FRMPD1: variants seen among roughly 807,000 people sequenced by gnomAD.
FRMPD1 encodes FERM and PDZ domain containing 1, also known as FERM and PDZ domain-containing protein 1.
In FRMPD1, 76 loss-of-function variants were observed where a neutral mutation model predicts 117.8. That is an observed-to-expected ratio of 0.65 (90% confidence interval 0.54 to 0.78). The LOEUF is 0.78. FRMPD1 is among the 30% of genes least tolerant of loss of function. The probability of loss-of-function intolerance (pLI) is 0.00; values close to 1 mark genes in which losing one functional copy is unlikely to be tolerated. For missense variants in FRMPD1, 1,786 were observed against 1,964.5 expected, an observed-to-expected ratio of 0.91 and a Z score of 1.72; for synonymous variants, 783 against 770.4, an observed-to-expected ratio of 1.02 and a Z score of -0.27.
the FRMPD1 span, among the ~76,000 whole-genome samples, chr9:37,614,345 G>A: frequency 1.3e-5 from 2 of 152,214 alleles, no homozygotes; most frequent in Admixed American, 6.5e-5. Flanking sequence ...ATAACATGGG[G>A]AAGGCAGGCT....
chr9:37,693,773 A>G (rs1822229267), intron 2 of FRMPD1, among the ~76,000 whole-genome samples: 1 of 151,954 alleles, frequency 6.6e-6, no homozygotes, highest in African/African-American at 2.4e-5. Context: ...TACTACAAGC[A>G]CCCTCTCTTC....
Position 37,745,736 on chromosome 9 carries a change from C to G in FRMPD1, c.3704C>G (p.Thr1235Arg). ...AAGGCAGAGGCACCTAACCATGTGA[C>G]AGGGCAAGATATAGCCCCTAGGGAC... ...GIKAEAPNHV[T>R]GQDIAPRDSP... The change falls in exon 16 of 16, where the codon ACA (threonine) becomes AGA (arginine). Residue 1235 changes from threonine to arginine, a missense_variant. By Grantham distance (71) the Thr-to-Arg change is moderately conservative. Coordinates refer to ENST00000377765, the MANE Select transcript of FRMPD1 (RefSeq NM_014907.3). 2 of 1,614,162 alleles carry G rather than the reference C, an allele frequency of 1.2e-6. No individual in the cohort carries two copies. Among genetic ancestry groups the G allele is most frequent in the South Asian group, 1.1e-5 (1 of 91,084 alleles).
At chr9:37,633,031 A>ATTT in the FRMPD1 span, among the ~76,000 whole-genome samples, 8 of 145,750 alleles carry the variant, frequency 5.5e-5, no homozygotes, top group East Asian at 2.0e-4. Context: ...ATATATATAT[A>ATTT]TTTTTCTTTT....
At chr9:37,637,324 C>G in the FRMPD1 span, 2 of 1,080,082 alleles carry the variant, frequency 1.9e-6, no homozygotes, top group African/African-American at 1.5e-5. Context: ...CAGTCGCTCC[C>G]AGTCGGCTCT....
the FRMPD1 span, among the ~76,000 whole-genome samples, chr9:37,630,139 T>C: frequency 1.3e-5 from 2 of 152,126 alleles, no homozygotes; most frequent in African/African-American, 2.4e-5. Flanking sequence ...CCCCATCACA[T>C]TGGAGTTTAG....
intron 1 of FRMPD1, among the ~76,000 whole-genome samples, chr9:37,685,526 C>T (rs565795804): frequency 6.6e-6 from 1 of 151,984 alleles, no homozygotes; most frequent in Non-Finnish European, 1.5e-5. Flanking sequence ...GTGGCGGGCG[C>T]CTGTAGTCCC....
upstream of FRMPD1, among the ~76,000 whole-genome samples, chr9:37,649,842 A>G (rs1469112778): frequency 1.3e-5 from 2 of 150,916 alleles, no homozygotes; most frequent in Non-Finnish European, 3.0e-5. Context: ...TTATGTCTCA[A>G]CTCCTGCCAC....
rs560254545 is a variant in FRMPD1 at position 37,690,939 on chromosome 9, G to A, written c.-4-1699G>A. On this transcript the variant is annotated intron_variant, in intron 1 of 15. Coordinates refer to ENST00000377765, the MANE Select transcript of FRMPD1 (RefSeq NM_014907.3). ...CTTTTATCAGGAACTCACACCCACA[G>A]TAATGGCATTAATTCATTCATGAGG... Among the ~76,000 whole-genome samples, 6 of 152,244 alleles carry A rather than the reference G, an allele frequency of 3.9e-5. No homozygotes were observed. The East Asian group carries it at 1.2e-3, about 29-fold the overall frequency.
chr9:37,619,377 A>G, the FRMPD1 span, among the ~76,000 whole-genome samples: 59 of 152,252 alleles, frequency 3.9e-4, no homozygotes, highest in African/African-American at 1.4e-3. Flanking sequence ...GGGCTCAACA[A>G]ATGTTTGTGG....
intron 1 of FRMPD1, among the ~76,000 whole-genome samples, chr9:37,675,266 T>C (rs921111608): frequency 3.3e-5 from 5 of 151,766 alleles, no homozygotes; most frequent in Admixed American, 3.3e-4. Flanking sequence ...CCACTAAAAA[T>C]ATAAAAATGA....
rs1200140311 is a variant in FRMPD1, at chr9:37,735,637, T to C, written c.1304T>C (p.Met435Thr). 7 of 1,613,438 alleles carry C rather than the reference T, an allele frequency of 4.3e-6. No individual in the cohort carries two copies. Among genetic ancestry groups the C allele is most frequent in the Non-Finnish European group, 5.9e-6 (7 of 1,179,486 alleles). ...GTTATCAATAGCAAACTCAACATCA[T>C]GTCCACATTGGCAGAGTTTGCAAAC... ...SQVINSKLNI[M>T]STLAEFANIS... The change falls in exon 13 of 16, where the codon ATG (methionine) becomes ACG (threonine). Residue 435 changes from methionine to threonine, a missense_variant. Met to Thr is a moderately conservative substitution (Grantham distance 81). Coordinates refer to ENST00000377765, the MANE Select transcript of FRMPD1 (RefSeq NM_014907.3).
the FRMPD1 span, among the ~76,000 whole-genome samples, chr9:37,607,116 A>C: frequency 1.3e-5 from 2 of 152,114 alleles, no homozygotes; most frequent in African/African-American, 4.8e-5. Context: ...GGATTTCGAG[A>C]CCAGCCTGGC....
At chr9:37,739,312 G>T (rs568923240) in intron 14 of FRMPD1, among the ~76,000 whole-genome samples, 2 of 152,176 alleles carry the variant, frequency 1.3e-5, no homozygotes, top group Admixed American at 1.3e-4. Context: ...TAACTGTTGT[G>T]GGGGAGGCCA....
chr9:37,719,930 A>G (rs1286217560), intron 6 of FRMPD1, among the ~76,000 whole-genome samples: 2 of 152,248 alleles, frequency 1.3e-5, no homozygotes, highest in Non-Finnish European at 2.9e-5. Flanking sequence ...CCAGTAGTCT[A>G]TAACTATTGC....
the FRMPD1 span, among the ~76,000 whole-genome samples, chr9:37,624,413 C>A: frequency 6.6e-6 from 1 of 152,336 alleles, no homozygotes; most frequent in South Asian, 2.1e-4. Flanking sequence ...CAAATGGAGA[C>A]TAACCAACAT....
chr9:37,645,540 T>C, the FRMPD1 span, among the ~76,000 whole-genome samples: 1 of 152,214 alleles, frequency 6.6e-6, no homozygotes, highest in African/African-American at 2.4e-5. Context: ...AGATCATCTT[T>C]GAGAGAACGA....
rs774367994 is a variant in FRMPD1, at chr9:37,729,858, G to A, written c.738+5G>A. Reference sequence around the variant, plus strand: ...GAAGAGGAACTCATCCAGCAGGTAGGGAGGACTGACCGCCTGTTCCTGGGA... The same window carrying A: ...GAAGAGGAACTCATCCAGCAGGTAGAGAGGACTGACCGCCTGTTCCTGGGA... On this transcript the variant is annotated splice_donor_5th_base_variant and intron_variant, in intron 8 of 15. Coordinates refer to ENST00000377765, the MANE Select transcript of FRMPD1 (RefSeq NM_014907.3). 1 of 1,612,872 alleles carries A rather than the reference G, an allele frequency of 6.2e-7. No individual in the cohort carries two copies. Among genetic ancestry groups the A allele is most frequent in the East Asian group, 2.2e-5 (1 of 44,880 alleles).
At chr9:37,636,879 A>G in the FRMPD1 span, 1 of 1,610,752 alleles carries the variant, frequency 6.2e-7, no homozygotes, top group Non-Finnish European at 8.5e-7. Flanking sequence ...GAGTCTGCAA[A>G]CTCCTTGGCT....
At position 37,692,753 on chromosome 9, in the gene FRMPD1, T is replaced by A; in HGVS notation, c.101+11T>A. 1.9e-6 allele frequency: 3 copies of A among 1,595,890 alleles called. No homozygotes were observed. Among genetic ancestry groups the A allele is most frequent in the Non-Finnish European group, 2.6e-6 (3 of 1,163,364 alleles). ...GGACAGCTCGGCCCGGTAAGCCTCC[T>A]GAGTTTGCAGATTTCTGTCTATAAA... On this transcript the variant is annotated intron_variant, in intron 2 of 15. Transcript: ENST00000377765.
Sources: allele counts gnomAD v4.1 joint callset (sites outside exome capture counted in the v4.1 genomes callset), GRCh38; gene constraint gnomAD v4.1.1; transcripts MANE v1.5; gene names NCBI Gene and HGNC (gene_info 2026-07-23, HGNC 2026-07-21).